Variants in MTMR3 observed in about 807,000 individuals in gnomAD.
MTMR3 encodes the protein phosphatidylinositol-3,5-bisphosphate 3-phosphatase MTMR3.
MTMR3 carries 32 observed loss-of-function variants against 132.4 expected under a neutral mutation model. That is an observed-to-expected ratio of 0.24 (90% CI 0.18 to 0.32). The LOEUF is 0.32. Ranked by LOEUF, MTMR3 falls within the 10% of genes least tolerant of loss-of-function variation. The pLI is 1.00. For synonymous variants in MTMR3, 556 were observed against 550.3 expected (o/e 1.01, Z -0.14); for missense variants, 1,216 against 1,489.6 (o/e 0.82, Z 3.02).
chr22:29,902,733 TCTC>T (rs1188359466), intron 1 of MTMR3, among the ~76,000 whole-genome samples: 2 of 152,146 alleles, frequency 1.3e-5, no homozygotes, highest in Non-Finnish European at 2.9e-5. Flanking sequence ...TCCTTTTTCT[TCTC>T]CTCTCCTCCC....
intron 8 of MTMR3, chr22:29,999,608 G>A (rs1321462338): frequency 6.6e-6 from 1 of 151,856 alleles, no homozygotes; most frequent in Non-Finnish European, 1.5e-5. Flanking sequence ...TTTGGATTTT[G>A]GAGCATTTCA....
intron 1 of MTMR3, among the ~76,000 whole-genome samples, chr22:29,890,248 G>A (rs563524868): frequency 4.3e-4 from 65 of 152,186 alleles, no homozygotes; most frequent in African/African-American, 1.5e-3. Flanking sequence ...TGGGCGTGGT[G>A]GCTCATGCAT....
At chr22:29,902,035 G>T (rs2065010598) in intron 1 of MTMR3, among the ~76,000 whole-genome samples, 1 of 152,070 alleles carries the variant, frequency 6.6e-6, no homozygotes, top group East Asian at 1.9e-4. Flanking sequence ...ACATACACAT[G>T]TGCCCATGTA....
At chr22:29,978,200 G>A (rs1286004206) in intron 3 of MTMR3, 1 of 323,128 alleles carries the variant, frequency 3.1e-6, no homozygotes, top group Non-Finnish European at 6.0e-6. Context: ...AGCTGTTAGT[G>A]CCTAATAGAA....
At chr22:30,015,793 C>T (rs1345116721) in intron 14 of MTMR3, 2 of 152,216 alleles carry the variant, frequency 1.3e-5, no homozygotes, top group Admixed American at 6.5e-5. Context: ...TCTCTAGGTT[C>T]ATTTCCTACC....
In MTMR3 at chr22:30,020,865, G is replaced by C. The variant is rs942983085; in HGVS notation, c.3206G>C (p.Gly1069Ala). ...CTGACCAGCTCCCTACACTTTAATGGAGACTTTGGGGATGAGGTGGTGAGT... is the reference window on the plus strand; with the variant it reads ...CTGACCAGCTCCCTACACTTTAATGCAGACTTTGGGGATGAGGTGGTGAGT... ...QYLTSSLHFN[G>A]DFGDEVTSIP... is the part of the protein sequence containing the mutation. The change falls in exon 17 of 20, where the codon GGA becomes GCA. Residue 1069 changes from glycine (G) to alanine (A), a missense_variant. Physicochemically the swap from Gly to Ala is moderately conservative, Grantham distance 60. This residue lies in a region of MTMR3 where 852 missense variants were observed against 852.0 expected (regional missense o/e 1.00). Transcript: ENST00000401950. 2 of 1,594,554 alleles carry C rather than the reference G, an allele frequency of 1.3e-6. No homozygotes were observed. Among genetic ancestry groups the C allele is most frequent in the Middle Eastern group, 1.7e-4 (1 of 6,036 alleles).
intron 3 of MTMR3, among the ~76,000 whole-genome samples, chr22:29,976,120 GTTTT>G (rs34984702): frequency 7.0e-6 from 1 of 141,938 alleles, no homozygotes. Context: ...TATAGTGTGT[GTTTT>G]TTTTTTTTTT....
intron 6 of MTMR3, chr22:29,990,951 C>T (rs1359399898): frequency 6.6e-6 from 1 of 152,226 alleles, no homozygotes; most frequent in African/African-American, 2.4e-5. Flanking sequence ...TACTGAAAAT[C>T]GCAGTTGACA....
intron 1 of MTMR3, among the ~76,000 whole-genome samples, chr22:29,883,804 A>T (rs911231135): frequency 2.0e-5 from 3 of 152,106 alleles, no homozygotes; most frequent in Non-Finnish European, 4.4e-5. Context: ...GTCAGGGGCC[A>T]TGGGAGCCCC....
chr22:29,920,213 C>CAA lies in MTMR3; in HGVS notation c.-137-36813_-137-36812dup, dbSNP rs11404982. Among the ~76,000 whole-genome samples, 270 of 132,136 alleles carry CAA rather than the reference C, an allele frequency of 2.0e-3. 1 individual carries two copies. Among genetic ancestry groups the CAA allele is most frequent in the South Asian group, 6.3e-3 (27 of 4,262 alleles). 86.7% of individuals were successfully genotyped at this position (132,136 alleles called of 152,430 possible). ...TGGGCGACAGAGCAAGACTCTGTCTCAAAAAAAAAAACAAAAAACCCAAAA... is the reference window on the plus strand; with the variant it reads ...TGGGCGACAGAGCAAGACTCTGTCTCAAAAAAAAAAAAACAAAAAACCCAAAA... On this transcript the variant is annotated intron_variant, in intron 1 of 19. Transcript: ENST00000401950.
rs1407971996 is a variant in MTMR3, at chr22:30,028,859, C to G, written c.*3058C>G. 6.6e-6 allele frequency: 1 copy of G among 152,358 alleles called. No homozygotes were observed. The highest frequency in any genetic ancestry group is 1.5e-5 in the Non-Finnish European group (1 of 68,054). The allele number at this position is 152,358 out of a possible 1,614,324, so 9.4% of individuals were successfully genotyped here. Reference sequence around the variant, plus strand: ...AAGGAGAATGTGCCATCTCAGCTACCCTCAGTCCGCCAGGCAGCCCAGTCT... The same window carrying G: ...AAGGAGAATGTGCCATCTCAGCTACGCTCAGTCCGCCAGGCAGCCCAGTCT... On this transcript the variant is annotated 3_prime_UTR_variant, in exon 20 of 20. Transcript: ENST00000401950.
At chr22:30,023,652 C>T in intron 19 of MTMR3, 1 of 758,952 alleles carries the variant, frequency 1.3e-6, no homozygotes, top group Non-Finnish European at 2.2e-6. Flanking sequence ...GAGGAGAGGC[C>T]ATCGAGGGTG....
At chr22:29,889,828 G>C (rs184865820) in intron 1 of MTMR3, among the ~76,000 whole-genome samples, 2 of 151,566 alleles carry the variant, frequency 1.3e-5, no homozygotes, top group Non-Finnish European at 2.9e-5. Context: ...TTCTCTTAAA[G>C]CAGTACTGTG....
intron 2 of MTMR3, among the ~76,000 whole-genome samples, chr22:29,969,278 G>A (rs919224657): frequency 6.6e-6 from 1 of 152,100 alleles, no homozygotes; most frequent in African/African-American, 2.4e-5. Context: ...CCTTGCTTCC[G>A]GTTGCTGACA....
chr22:29,953,687 G>A (rs953999634), intron 1 of MTMR3, among the ~76,000 whole-genome samples: 4 of 152,126 alleles, frequency 2.6e-5, no homozygotes, highest in Non-Finnish European at 4.4e-5. Flanking sequence ...GACAATATGT[G>A]TACCAATATG....
At chr22:29,915,402 C>A (rs1352951171) in intron 1 of MTMR3, among the ~76,000 whole-genome samples, 1 of 152,108 alleles carries the variant, frequency 6.6e-6, no homozygotes, top group Non-Finnish European at 1.5e-5. Flanking sequence ...TTTATTTAGG[C>A]TGACGGTCTC....
At chr22:29,988,409 T>A (rs1336466764) in intron 5 of MTMR3, 71 bp from the exon 6 acceptor site, 1 of 1,115,452 alleles carries the variant, frequency 9.0e-7, no homozygotes, top group African/African-American at 1.6e-5. Context: ...ATTAGTCTTG[T>A]TGGACACATT....
intron 2 of MTMR3, among the ~76,000 whole-genome samples, chr22:29,969,219 G>A (rs115459914): frequency 6.6e-6 from 1 of 152,138 alleles, no homozygotes; most frequent in African/African-American, 2.4e-5. Flanking sequence ...TGCATGGCAC[G>A]AGAAGAATAG....
intron 1 of MTMR3, among the ~76,000 whole-genome samples, chr22:29,955,813 G>A (rs540234542): frequency 6.6e-6 from 1 of 152,008 alleles, no homozygotes; most frequent in Non-Finnish European, 1.5e-5. Flanking sequence ...GCGCAGTGGC[G>A]CAATCTCAGC....
Sources: allele counts gnomAD v4.1 joint callset (sites outside exome capture counted in the v4.1 genomes callset), GRCh38; gene constraint gnomAD v4.1.1; regional missense constraint gnomAD v4.1.1; transcripts MANE v1.5; gene names NCBI Gene and HGNC (gene_info 2026-07-23, HGNC 2026-07-21).